The following SCFD2 variants were observed in gnomAD, a reference collection of about 807,000 sequenced individuals.
SCFD2 encodes sec1 family domain-containing protein 2.
A neutral mutation model predicts 58.9 loss-of-function variants in SCFD2; 54 were observed. The ratio of observed to expected loss-of-function variants is 0.92; its 90% CI spans 0.74 to 1.15. The LOEUF (loss-of-function observed/expected upper bound fraction) is 1.15. Among genes scored for constraint, SCFD2 ranks in the 50% most tolerant of loss-of-function variants. The probability of loss-of-function intolerance (pLI) is 0.00; values close to 1 mark genes in which losing one functional copy is unlikely to be tolerated. For synonymous variants in SCFD2, 321 were observed against 335.9 expected, an observed-to-expected ratio of 0.96 and a Z score of 0.49; for missense variants, 805 against 836.6, an observed-to-expected ratio of 0.96 and a Z score of 0.47.
At chr4:52,901,565 C>T (rs1719200269) in intron 7 of SCFD2, among the ~76,000 whole-genome samples, 2 of 152,324 alleles carry the variant, frequency 1.3e-5, no homozygotes, top group South Asian at 4.1e-4. Context: ...AGCTGCCACT[C>T]AGCATCTACT....
intron 4 of SCFD2, among the ~76,000 whole-genome samples, chr4:53,238,298 G>C (rs1404318011): frequency 1.0e-3 from 1 of 986 alleles, no homozygotes; most frequent in Non-Finnish European, 9.6e-3. Context: ...CAGCTGGCCG[G>C]GTGGGGGCTG....
chr4:53,272,797 A>T (rs1325108260), intron 4 of SCFD2, among the ~76,000 whole-genome samples: 2 of 152,206 alleles, frequency 1.3e-5, no homozygotes, highest in Admixed American at 1.3e-4. Context: ...TGGCACATGT[A>T]TACATATGTA....
At chr4:53,175,886 A>G (rs770462066) in intron 4 of SCFD2, among the ~76,000 whole-genome samples, 5 of 152,210 alleles carry the variant, frequency 3.3e-5, no homozygotes, top group East Asian at 1.9e-4. Context: ...GAATCTTTAT[A>G]TCTTCCTAGT....
chr4:53,094,870 C>T (rs1390077493), intron 5 of SCFD2, among the ~76,000 whole-genome samples: 1 of 152,002 alleles, frequency 6.6e-6, no homozygotes, highest in Non-Finnish European at 1.5e-5. Context: ...AGCTTTTGCC[C>T]CCTCACTCCA....
At chr4:53,165,095 G>C (rs1231758262) in intron 4 of SCFD2, among the ~76,000 whole-genome samples, 2 of 152,126 alleles carry the variant, frequency 1.3e-5, no homozygotes, top group Non-Finnish European at 2.9e-5. Context: ...TACTCTTGCT[G>C]CTCCTGGATT....
intron 5 of SCFD2, among the ~76,000 whole-genome samples, chr4:53,039,132 T>C (rs1426432480): frequency 6.6e-6 from 1 of 152,208 alleles, no homozygotes; most frequent in East Asian, 1.9e-4. Context: ...GAAAAGCTCT[T>C]CTGGGCTTTC....
intron 5 of SCFD2, among the ~76,000 whole-genome samples, chr4:53,102,139 G>A (rs566669448): frequency 6.6e-6 from 1 of 152,268 alleles, no homozygotes; most frequent in East Asian, 1.9e-4. Context: ...ATATGATACA[G>A]GTGCAACTCA....
chr4:53,301,509 T>C (rs1162972442), intron 3 of SCFD2, among the ~76,000 whole-genome samples: 1 of 152,094 alleles, frequency 6.6e-6, no homozygotes, highest in African/African-American at 2.4e-5. Context: ...CACAGCCGAA[T>C]TCTACCAGAG....
At chr4:53,082,898 A>G (rs4623079) in intron 5 of SCFD2, among the ~76,000 whole-genome samples, 148,785 of 152,156 alleles carry the variant, frequency 0.98, 72,834 homozygotes, top group Middle Eastern at 1. Context: ...ATGGGCCTCC[A>G]GTTTAAGACA....
intron 4 of SCFD2, among the ~76,000 whole-genome samples, chr4:53,240,125 C>T (rs968955060): frequency 1.3e-5 from 2 of 152,174 alleles, no homozygotes; most frequent in African/African-American, 4.8e-5. Context: ...GGCAAACTGC[C>T]ACCATGTTTT....
At chr4:53,044,131 G>C (rs1298830993) in intron 5 of SCFD2, among the ~76,000 whole-genome samples, 1 of 152,112 alleles carries the variant, frequency 6.6e-6, no homozygotes, top group Non-Finnish European at 1.5e-5. Flanking sequence ...ACAGAAGATG[G>C]TGAGGGCACT....
chr4:52,993,043 G>A (rs1267893406), intron 5 of SCFD2, among the ~76,000 whole-genome samples: 1 of 151,726 alleles, frequency 6.6e-6, no homozygotes, highest in Non-Finnish European at 1.5e-5. Context: ...ATTTTGTTCT[G>A]TACTAAGAAA....
At chr4:53,250,972 G>T (rs1730348195) in intron 4 of SCFD2, among the ~76,000 whole-genome samples, 1 of 152,092 alleles carries the variant, frequency 6.6e-6, no homozygotes, top group Non-Finnish European at 1.5e-5. Context: ...TTTTTGAAAA[G>T]ATCAACAAAC....
chr4:53,259,016 A>G (rs1028454473), intron 4 of SCFD2, among the ~76,000 whole-genome samples: 2 of 152,020 alleles, frequency 1.3e-5, no homozygotes, highest in East Asian at 1.9e-4. Flanking sequence ...AGCCATTTCT[A>G]TATCTTCTTT....
intron 5 of SCFD2, among the ~76,000 whole-genome samples, chr4:53,144,970 G>A (rs554280960): frequency 3.9e-5 from 6 of 152,274 alleles, no homozygotes; most frequent in South Asian, 2.1e-4. Context: ...CCTGAGCTCC[G>A]CCTTCTGTCA....
chr4:53,195,155 TC>T (rs1488275162), intron 4 of SCFD2, among the ~76,000 whole-genome samples: 2 of 152,130 alleles, frequency 1.3e-5, no homozygotes, highest in African/African-American at 4.8e-5. Flanking sequence ...AGCCTCTGTA[TC>T]CCAGCTTCGT....
At chr4:53,280,266 A>G (rs1393534320) in intron 3 of SCFD2, among the ~76,000 whole-genome samples, 1 of 152,192 alleles carries the variant, frequency 6.6e-6, no homozygotes, top group Non-Finnish European at 1.5e-5. Flanking sequence ...CTGTAATCCC[A>G]GCACTTTGGG....
At chr4:53,007,009 G>A (rs138992504) in intron 5 of SCFD2, among the ~76,000 whole-genome samples, 399 of 152,070 alleles carry the variant, frequency 2.6e-3, no homozygotes, top group Non-Finnish European at 4.2e-3. Context: ...GGCTGGGCAC[G>A]GTGGCTCACG....
intron 2 of SCFD2, among the ~76,000 whole-genome samples, chr4:53,321,421 T>A (rs1019654843): frequency 6.6e-6 from 1 of 151,994 alleles, no homozygotes; most frequent in East Asian, 1.9e-4. Flanking sequence ...GTAGAAGGCA[T>A]GCAATTAAGA....
Sources: allele counts gnomAD v4.1 joint callset (sites outside exome capture counted in the v4.1 genomes callset), GRCh38; gene constraint gnomAD v4.1.1; transcripts MANE v1.5; gene names NCBI Gene and HGNC (gene_info 2026-07-23, HGNC 2026-07-21).